DYNC2H1: variants seen among roughly 807,000 people sequenced by gnomAD.
The protein encoded by DYNC2H1 is dynein cytoplasmic 2 heavy chain 1, also known as cytoplasmic dynein 2 heavy chain 1.
DYNC2H1 carries 410 observed loss-of-function variants against 570.0 expected under a neutral mutation model. The observed-to-expected ratio is 0.72, with a 90% CI of 0.66 to 0.78. The LOEUF (loss-of-function observed/expected upper bound fraction) is 0.78, where lower values mean the gene tolerates loss of function less well. DYNC2H1 is among the 30% of genes least tolerant of loss of function. The pLI, the probability that DYNC2H1 is intolerant of heterozygous loss-of-function variation, is 0.00. For synonymous variants in DYNC2H1, 1,688 were observed against 1,677.6 expected (o/e 1.01, Z -0.15); for missense variants, 4,865 against 5,046.4 (o/e 0.96, Z 1.09).
rs564755532 is a variant in DYNC2H1, at chr11:103,382,644, T to C, written c.12157-17019T>C. Among the ~76,000 whole-genome samples, 398 of 151,978 alleles carry C rather than the reference T, an allele frequency of 2.6e-3. 4 individuals are homozygous for C. The highest frequency in any genetic ancestry group is 8.9e-3 in the African/African-American group (366 of 41,240). On this transcript the variant is annotated intron_variant, in intron 83 of 88. Transcript: ENST00000375735. ...TGGTTGGATGAAAGCATTTCTCAGTTGTGCTTAGAGCTTTCTTTTTGCTAA... is the reference window on the plus strand; with the variant it reads ...TGGTTGGATGAAAGCATTTCTCAGTCGTGCTTAGAGCTTTCTTTTTGCTAA...
At chr11:103,230,066 G>T (rs927839537) in intron 59 of DYNC2H1, among the ~76,000 whole-genome samples, 1 of 152,042 alleles carries the variant, frequency 6.6e-6, no homozygotes, top group Non-Finnish European at 1.5e-5. Flanking sequence ...GTAAGCCCTC[G>T]CAATCTCTGT....
intron 37 of DYNC2H1, among the ~76,000 whole-genome samples, chr11:103,176,715 T>G (rs1394391697): frequency 6.6e-6 from 1 of 152,124 alleles, no homozygotes; most frequent in Non-Finnish European, 1.5e-5. Context: ...TATTTTATTT[T>G]TATTTTTTGA....
At chr11:103,273,210 G>A (rs1303574635) in intron 70 of DYNC2H1, among the ~76,000 whole-genome samples, 1 of 106,112 alleles carries the variant, frequency 9.4e-6, no homozygotes, top group Non-Finnish European at 1.9e-5. Context: ...TTCTTTTTTT[G>A]ATAGAGTCTT....
At chr11:103,159,733 A>G (rs1861003293) in intron 28 of DYNC2H1, among the ~76,000 whole-genome samples, 1 of 152,204 alleles carries the variant, frequency 6.6e-6, no homozygotes, top group Non-Finnish European at 1.5e-5. Context: ...AAACAGCTCT[A>G]TAGAAAAGAG....
chr11:103,117,360 CGTT>C (rs1858463422), intron 5 of DYNC2H1, among the ~76,000 whole-genome samples: 1 of 149,846 alleles, frequency 6.7e-6, no homozygotes, highest in Admixed American at 6.7e-5. Context: ...ACATGTGCCA[CGTT>C]GGTGTGCTGC....
chr11:103,138,929 G>T (rs1327930865), intron 17 of DYNC2H1, among the ~76,000 whole-genome samples: 1 of 151,414 alleles, frequency 6.6e-6, no homozygotes, highest in Non-Finnish European at 1.5e-5. Flanking sequence ...ACTTCTTCCT[G>T]GTTTAGTCTT....
chr11:103,453,739 TAAATGACTGTTTTA>T (rs917995848), intron 85 of DYNC2H1, among the ~76,000 whole-genome samples: 2 of 151,062 alleles, frequency 1.3e-5, no homozygotes, highest in African/African-American at 4.9e-5. Context: ...AAATACTTAT[TAAATGACTGTTTTA>T]AAATAACTGT....
At chr11:103,311,200 T>C (rs1057262075) in intron 78 of DYNC2H1, among the ~76,000 whole-genome samples, 14 of 152,324 alleles carry the variant, frequency 9.2e-5, no homozygotes, top group African/African-American at 3.4e-4. Context: ...ACCCACATTA[T>C]ATATTTTTTA....
intron 59 of DYNC2H1, among the ~76,000 whole-genome samples, chr11:103,227,344 A>G (rs1177324541): frequency 6.6e-6 from 1 of 152,050 alleles, no homozygotes; most frequent in East Asian, 1.9e-4. Context: ...TCTTGGCACC[A>G]TCTTTGCTGT....
At chr11:103,354,593 A>G (rs1156777978) in intron 82 of DYNC2H1, among the ~76,000 whole-genome samples, 1 of 151,964 alleles carries the variant, frequency 6.6e-6, no homozygotes, top group Non-Finnish European at 1.5e-5. Flanking sequence ...CTTCTAGCTA[A>G]TGTCCATGGT....
chr11:103,277,485 T>C lies in DYNC2H1; in HGVS notation c.10696-2863T>C, dbSNP rs1865959965. 6.6e-6 allele frequency among the ~76,000 whole-genome samples: 1 copy of C among 152,206 alleles called. No individual in the cohort carries two copies. The highest frequency in any genetic ancestry group is 2.4e-5 in the African/African-American group (1 of 41,460). The stretch of plus-strand genomic sequence containing the variant: ...GTCCCTTCTTACATTCTTGAGTATT[T>C]AATGATACTTGTATTAGAGTCTCTT... On this transcript the variant is annotated intron_variant, in intron 70 of 88. Transcript: ENST00000375735. This position sits in a 1 kb window ranked among gnomAD's most constrained non-coding sequence, Gnocchi z 4.3.
In DYNC2H1 at chr11:103,323,921, C is replaced by T. The variant is rs370818346; in HGVS notation, c.11970C>T (p.Asp3990=). 2.3e-5 allele frequency: 37 copies of T among 1,612,424 alleles called. No homozygotes were observed. The highest frequency in any genetic ancestry group is 5.3e-5 in the African/African-American group (4 of 74,852). The change falls in exon 82 of 89, where the codon GAC becomes GAT. Residue 3990 remains aspartate (D), a synonymous_variant. Coordinates refer to ENST00000375735, the MANE Select transcript of DYNC2H1 (RefSeq NM_001377.3). ...CTGTCATTGAGAAAATTCCAGAGGACGACAAACCTAGTTTCTTTGGTCTGC... is the reference window on the plus strand; with the variant it reads ...CTGTCATTGAGAAAATTCCAGAGGATGACAAACCTAGTTTCTTTGGTCTGC... ...YRAVIEKIPE[D]DKPSFFGLPA...
intron 82 of DYNC2H1, among the ~76,000 whole-genome samples, chr11:103,330,286 GA>G (rs1259282358): frequency 7.1e-6 from 1 of 140,484 alleles, no homozygotes; most frequent in Non-Finnish European, 1.6e-5. Flanking sequence ...CTTTTTGCAT[GA>G]ATTAGATCAT....
Position 103,358,239 on chromosome 11 carries a change from T to G in DYNC2H1, c.12040-4T>G. 1 of 1,512,602 alleles carries G rather than the reference T, an allele frequency of 6.6e-7. No individual in the cohort carries two copies. Among genetic ancestry groups the G allele is most frequent in the Non-Finnish European group, 9.0e-7 (1 of 1,115,046 alleles). The allele number at this position is 1,512,602 out of a possible 1,614,324, so 93.7% of individuals were successfully genotyped here. ...TTGTTGATACTTATTATTTTTTTAT[T>G]CAGGTTATTTCACAGTTGAGGATTT... is the stretch of plus-strand genomic sequence containing the variant. On this transcript the variant is annotated splice_polypyrimidine_tract_variant and splice_region_variant and intron_variant, in intron 82 of 88. Transcript: ENST00000375735.
At chr11:103,136,941 C>G (rs1479935332) in intron 17 of DYNC2H1, among the ~76,000 whole-genome samples, 1 of 151,464 alleles carries the variant, frequency 6.6e-6, no homozygotes, top group East Asian at 1.9e-4. Flanking sequence ...GATGGTATCT[C>G]ATTGTGGTTT....
Position 103,273,408 on chromosome 11 carries a change from C to G in DYNC2H1, c.10696-6940C>G, listed in dbSNP as rs544574475. ...TTCACCATTTTTCCCAGGCTGGCCT[C>G]AAACTCGTGAGCTCAAGTCATCTGC... is the stretch of plus-strand genomic sequence containing the variant. On this transcript the variant is annotated intron_variant, in intron 70 of 88. Transcript: ENST00000375735. Among the ~76,000 whole-genome samples the G allele has an allele frequency of 2.6e-4, 39 of 152,242 alleles. No homozygotes were observed. In the South Asian group the frequency reaches 7.5e-3, roughly 29 times the overall value.
chr11:103,321,287 C>A, intron 81 of DYNC2H1, 50 bp downstream of exon 81: 1 of 1,433,148 alleles, frequency 7.0e-7, no homozygotes, highest in South Asian at 1.2e-5. Context: ...ATACGTGAAT[C>A]ATTTCTTACA....
At position 103,154,582 on chromosome 11, in the gene DYNC2H1, C is replaced by A; in HGVS notation, c.3434C>A (p.Ala1145Asp). Residue 1145 changes from alanine to aspartate, a missense_variant, in exon 23 of 89, where the codon GCC becomes GAC. Ala to Asp is a moderately radical substitution (Grantham distance 126, BLOSUM62 -2). Transcript: ENST00000375735. ...TTTCAACAAGGATTTCAGGAAATGG[C>A]CAATGAAGACTGGATCACTTTTCGG... Reference protein sequence around the residue: ...EEFQQGFQEMANEDWITFRTK... With the variant: ...EEFQQGFQEMDNEDWITFRTK... 1 of 1,600,488 alleles carries A rather than the reference C, an allele frequency of 6.2e-7. No homozygotes were observed. The highest frequency in any genetic ancestry group is 1.7e-5 in the Admixed American group (1 of 57,648).
chr11:103,142,746 T>C (rs569919287), intron 17 of DYNC2H1, among the ~76,000 whole-genome samples: 2 of 152,338 alleles, frequency 1.3e-5, no homozygotes, highest in East Asian at 3.9e-4. Context: ...TCTGAAGCCC[T>C]CAAATGTTAC....
Sources: gnomAD v4.1 joint callset for allele counts (sites outside exome capture counted in the v4.1 genomes callset) on GRCh38, gnomAD v4.1.1 for gene constraint, Gnocchi (gnomAD v3.1) non-coding constraint, MANE v1.5 for transcripts, NCBI Gene and HGNC (gene_info 2026-07-23, HGNC 2026-07-21) for gene names.